Variants in SLC14A2 observed in about 807,000 individuals in gnomAD.
SLC14A2 encodes urea transporter 2.
In SLC14A2, 91 loss-of-function variants were observed where a neutral mutation model predicts 104.6. The observed-to-expected ratio is 0.87, with a 90% confidence interval of 0.73 to 1.04. The LOEUF is 1.04. Among genes scored for constraint, SLC14A2 ranks in the 50% least tolerant of loss-of-function variants. The probability of loss-of-function intolerance (pLI) is 0.00; values close to 1 mark genes in which losing one functional copy is unlikely to be tolerated. For missense variants in SLC14A2, 1,189 were observed against 1,156.0 expected, an observed-to-expected ratio of 1.03 and a Z score of -0.41; for synonymous variants, 476 against 466.4, an observed-to-expected ratio of 1.02 and a Z score of -0.27.
the SLC14A2 span, chr18:45,179,923 A>C: frequency 6.6e-6 from 1 of 152,096 alleles, no homozygotes; most frequent in East Asian, 1.9e-4. Flanking sequence ...AGGCAGGTGG[A>C]TTGCTTGAGC....
In SLC14A2 at chr18:45,257,485, A is replaced by G. The variant is rs141671609; in HGVS notation, c.-125+44294A>G. On this transcript the variant is annotated intron_variant, in intron 1 of 20. Transcript: ENST00000586448. The stretch of plus-strand genomic sequence containing the variant: ...CTTTTAATAAAATGGCAGGTCAGCT[A>G]TTGGCCAGCAAGAAGAAAAGTTAAT... Among the ~76,000 whole-genome samples, 13 of 152,346 alleles carry G rather than the reference A, an allele frequency of 8.5e-5. No homozygotes were observed. In the East Asian group the frequency reaches 1.9e-3, roughly 23 times the overall value.
At chr18:45,346,590 T>G (rs531751061) in intron 1 of SLC14A2, among the ~76,000 whole-genome samples, 47 of 152,334 alleles carry the variant, frequency 3.1e-4, no homozygotes, top group African/African-American at 1.1e-3. Flanking sequence ...CATCTTCTGA[T>G]AAGCAGGAGT....
intron 18 of SLC14A2, 129 bp downstream of exon 18, chr18:45,673,946 T>G (rs11662958): frequency 1.0e-6 from 1 of 956,594 alleles, no homozygotes; most frequent in Non-Finnish European, 1.5e-6. Context: ...ATACTCAACG[T>G]TCAGTCACAT....
At chr18:45,379,656 G>GCCT (rs756509259) in intron 1 of SLC14A2, among the ~76,000 whole-genome samples, 35 of 152,138 alleles carry the variant, frequency 2.3e-4, no homozygotes, top group Non-Finnish European at 5.1e-4. Context: ...TTTTAATGAA[G>GCCT]CCTAAGAGTA....
chr18:45,593,212 G>C (rs925782072), intron 2 of SLC14A2, among the ~76,000 whole-genome samples: 3 of 151,848 alleles, frequency 2.0e-5, no homozygotes, highest in African/African-American at 7.2e-5. Context: ...AGCTACTCGG[G>C]AGGCTGAGGC....
At chr18:45,570,950 T>G (rs1293722803) in intron 2 of SLC14A2, among the ~76,000 whole-genome samples, 1 of 152,194 alleles carries the variant, frequency 6.6e-6, no homozygotes. Context: ...TAGTAGGCAC[T>G]CAGTAAAATT....
intron 2 of SLC14A2, among the ~76,000 whole-genome samples, chr18:45,488,242 G>T (rs565812508): frequency 3.4e-4 from 52 of 152,260 alleles, no homozygotes; most frequent in African/African-American, 1.2e-3. Flanking sequence ...ATGAGATTGG[G>T]TTGGATATGG....
intron 1 of SLC14A2, among the ~76,000 whole-genome samples, chr18:45,340,408 A>G (rs17743443): frequency 0.062 from 9,473 of 152,268 alleles, 362 homozygotes; most frequent in East Asian, 0.11. Flanking sequence ...GAGGAGACAA[A>G]TAGCTGCCAT....
rs1324324077 is a variant in SLC14A2 at position 45,496,376 on chromosome 18, A to C, written c.-35+13054A>C. ...GAGGATGTTGCCAGAGGAGATTGAC[A>C]TTTGAGTCAGTGGACCGGGAGAGGA... On this transcript the variant is annotated intron_variant, in intron 2 of 20. Transcript: ENST00000586448. Among the ~76,000 whole-genome samples, 3 of 152,160 alleles carry C rather than the reference A, an allele frequency of 2.0e-5. No individual in the cohort carries two copies. In the East Asian group the frequency reaches 5.8e-4, roughly 29 times the overall value.
chr18:45,509,858 T>A (rs545852621), intron 2 of SLC14A2, among the ~76,000 whole-genome samples: 76 of 152,334 alleles, frequency 5.0e-4, no homozygotes, highest in Non-Finnish European at 8.8e-4. Flanking sequence ...GGTCACGGAC[T>A]GGACCTCTGC....
At position 45,430,513 on chromosome 18, in the gene SLC14A2, T is replaced by C. The variant is rs535053414; in HGVS notation, c.-124-52720T>C. Among the ~76,000 whole-genome samples the C allele has an allele frequency of 2.4e-4, 37 of 152,274 alleles. 1 individual carries two copies. In the South Asian group the frequency reaches 6.4e-3, roughly 26 times the overall value. On this transcript the variant is annotated intron_variant, in intron 1 of 20. Transcript: ENST00000586448. ...GAGAGATCTGTGTGGATTGGGATAATTGGACTGGCTCTTTCTGTGGAAGGG... is the reference window on the plus strand; with the variant it reads ...GAGAGATCTGTGTGGATTGGGATAACTGGACTGGCTCTTTCTGTGGAAGGG...
chr18:45,501,191 C>G (rs936125006), intron 2 of SLC14A2, among the ~76,000 whole-genome samples: 1 of 152,164 alleles, frequency 6.6e-6, no homozygotes, highest in Non-Finnish European at 1.5e-5. Context: ...AACAGAGAAG[C>G]CTCCAAATGC....
At chr18:45,378,140 C>T (rs1479275969) in intron 1 of SLC14A2, among the ~76,000 whole-genome samples, 3 of 152,210 alleles carry the variant, frequency 2.0e-5, no homozygotes, top group African/African-American at 7.2e-5. Context: ...AGTTATTTAT[C>T]TATGGGCTCC....
chr18:45,396,471 A>C (rs141393315), intron 1 of SLC14A2, among the ~76,000 whole-genome samples: 5 of 152,270 alleles, frequency 3.3e-5, no homozygotes, highest in African/African-American at 1.2e-4. Context: ...CCACTTGTCA[A>C]CACATACTTA....
chr18:45,365,533 A>G (rs926970238), intron 1 of SLC14A2, among the ~76,000 whole-genome samples: 5 of 152,344 alleles, frequency 3.3e-5, no homozygotes, highest in African/African-American at 1.2e-4. Context: ...GAAAATTCAT[A>G]ACCCATTCAG....
At chr18:45,181,868 T>G in the SLC14A2 span, among the ~76,000 whole-genome samples, 3 of 152,188 alleles carry the variant, frequency 2.0e-5, no homozygotes, top group Non-Finnish European at 2.9e-5. Flanking sequence ...ATAATGAGTT[T>G]CCATTAATAT....
At chr18:45,238,170 G>C (rs1045501556) in intron 1 of SLC14A2, among the ~76,000 whole-genome samples, 3 of 152,198 alleles carry the variant, frequency 2.0e-5, no homozygotes, top group African/African-American at 7.2e-5. Context: ...CCTAGCAGAT[G>C]GTTATGGTCT....
At chr18:45,574,904 A>C (rs2044397964) in intron 2 of SLC14A2, among the ~76,000 whole-genome samples, 1 of 152,168 alleles carries the variant, frequency 6.6e-6, no homozygotes, top group Non-Finnish European at 1.5e-5. Context: ...GCTTTTCTAC[A>C]GCCTCCTATA....
chr18:45,254,555 G>C (rs959159796), intron 1 of SLC14A2, among the ~76,000 whole-genome samples: 1 of 152,208 alleles, frequency 6.6e-6, no homozygotes, highest in Admixed American at 6.5e-5. Flanking sequence ...CATAGACTGT[G>C]AAACAACCTC....
Sources: gnomAD v4.1 joint callset for allele counts (sites outside exome capture counted in the v4.1 genomes callset) on GRCh38, gnomAD v4.1.1 for gene constraint, MANE v1.5 for transcripts, NCBI Gene and HGNC (gene_info 2026-07-23, HGNC 2026-07-21) for gene names.